The following TPTE variants were observed in gnomAD, a reference collection of about 807,000 sequenced individuals.
TPTE encodes putative tyrosine-protein phosphatase TPTE.
In TPTE, 59 loss-of-function variants were observed where a neutral mutation model predicts 84.1. The observed-to-expected ratio is 0.70, with a 90% CI of 0.57 to 0.87. TPTE has a LOEUF of 0.87. TPTE is among the 40% of genes least tolerant of loss of function. The pLI is 0.00. For synonymous variants in TPTE, 130 were observed against 223.5 expected, an observed-to-expected ratio of 0.58 and a Z score of 3.73; for missense variants, 382 against 659.6, an observed-to-expected ratio of 0.58 and a Z score of 4.61.
At chr21:10,547,160 G>T (rs866908721) in intron 7 of TPTE, among the ~76,000 whole-genome samples, 2,578 of 151,284 alleles carry the variant, frequency 0.017, no homozygotes, top group African/African-American at 0.061. Context: ...CCTGGGGCCC[G>T]TGCGAATTAT....
At chr21:10,564,404 T>C (rs1190573386) in intron 10 of TPTE, among the ~76,000 whole-genome samples, 12 of 151,844 alleles carry the variant, frequency 7.9e-5, no homozygotes, top group African/African-American at 2.9e-4. Context: ...CAGCTACTCA[T>C]GAGGCCGAGG....
At chr21:10,549,430 G>A (rs1186848106) in intron 7 of TPTE, among the ~76,000 whole-genome samples, 3 of 152,402 alleles carry the variant, frequency 2.0e-5, no homozygotes, top group South Asian at 4.1e-4. Context: ...TCAGTGAGAT[G>A]TAAGGTAATA....
At chr21:10,556,392 T>A (rs1600895610) in intron 8 of TPTE, among the ~76,000 whole-genome samples, 1 of 152,306 alleles carries the variant, frequency 6.6e-6, no homozygotes, top group African/African-American at 2.4e-5. Context: ...TTATGGCTGC[T>A]TAGTATTCCA....
intron 8 of TPTE, among the ~76,000 whole-genome samples, chr21:10,552,997 A>G (rs1163121946): frequency 6.6e-6 from 1 of 152,302 alleles, no homozygotes; most frequent in Non-Finnish European, 1.5e-5. Flanking sequence ...TTTTTAAAAA[A>G]ACAGGAATGC....
At chr21:10,535,645 A>G (rs1347772212) in intron 3 of TPTE, among the ~76,000 whole-genome samples, 1 of 152,308 alleles carries the variant, frequency 6.6e-6, no homozygotes, top group Non-Finnish European at 1.5e-5. Context: ...CTACTACTAG[A>G]GTGGGCCAAA....
intron 4 of TPTE, among the ~76,000 whole-genome samples, chr21:10,540,581 G>A (rs200291909): frequency 2.5e-3 from 388 of 152,214 alleles, no homozygotes; most frequent in East Asian, 0.014. Context: ...AAAGAACAGA[G>A]CTAATAACCC....
chr21:10,589,681 C>G (rs905763720), intron 17 of TPTE, among the ~76,000 whole-genome samples: 1 of 152,312 alleles, frequency 6.6e-6, no homozygotes, highest in Non-Finnish European at 1.5e-5. Flanking sequence ...GCATGGATGT[C>G]CAGTGGAAAG....
At chr21:10,581,944 A>G (rs2075278610) in intron 17 of TPTE, among the ~76,000 whole-genome samples, 1 of 152,308 alleles carries the variant, frequency 6.6e-6, no homozygotes, top group Admixed American at 6.5e-5. Flanking sequence ...TGTGTTGTCC[A>G]AACTGGTCTC....
intron 3 of TPTE, among the ~76,000 whole-genome samples, chr21:10,529,924 TAAA>T (rs1555885548): frequency 6.6e-6 from 1 of 152,106 alleles, no homozygotes; most frequent in Non-Finnish European, 1.5e-5. Flanking sequence ...ATTTTTTTTT[TAAA>T]AAAAGTAGTT....
intron 17 of TPTE, among the ~76,000 whole-genome samples, chr21:10,587,560 T>G (rs1239924188): frequency 6.6e-6 from 1 of 152,306 alleles, no homozygotes; most frequent in African/African-American, 2.4e-5. Flanking sequence ...CTTTTTTTTT[T>G]TTTTTTGAGA....
At chr21:10,523,907 C>T (rs1156924289) in intron 1 of TPTE, among the ~76,000 whole-genome samples, 1 of 152,306 alleles carries the variant, frequency 6.6e-6, no homozygotes, top group Non-Finnish European at 1.5e-5. Context: ...AGTTTACAGT[C>T]CCACCAACAG....
rs2074384223 is a variant in TPTE at position 10,542,367 on chromosome 21, C to A, written c.66-28C>A. On this transcript the variant is annotated intron_variant, in intron 5 of 23. Transcript: ENST00000618007. The stretch of plus-strand genomic sequence containing the variant: ...ATAAATTCAGAATTATGTCTCCTCT[C>A]TGACTGTTTTCTCTTATCATCCACT... The A allele has an allele frequency of 2.5e-6, 4 of 1,608,722 alleles. No homozygotes were observed. In the East Asian group the frequency reaches 8.9e-5, roughly 36 times the overall value.
At chr21:10,543,238 T>G (rs1239360736) in intron 6 of TPTE, 91 bp from the exon 7 acceptor site, 23 of 1,471,638 alleles carry the variant, frequency 1.6e-5, no homozygotes, top group Non-Finnish European at 2.0e-5. Flanking sequence ...TTCACCTTGT[T>G]AGCCAGGATG....
intron 13 of TPTE, among the ~76,000 whole-genome samples, chr21:10,569,978 G>C (rs2075009438): frequency 6.6e-6 from 1 of 152,308 alleles, no homozygotes; most frequent in Admixed American, 6.5e-5. Flanking sequence ...TGGATTTTCA[G>C]CTGACTCCAT....
Position 10,542,530 on chromosome 21 carries a change from C to CCCATCCATCCAT in TPTE, c.119+103_119+114dup, listed in dbSNP as rs3049906. On this transcript the variant is annotated intron_variant, in intron 6 of 23. Coordinates refer to ENST00000618007, the MANE Select transcript of TPTE (RefSeq NM_199261.4). ...CACACAGGCACATGAGCAAGTATAC[C>CCCATCCATCCAT]CCATCCATCCATCCATCCATCCATC... 2.4e-3 allele frequency: 3,139 copies of CCCATCCATCCAT among 1,317,004 alleles called. No homozygotes were observed. In the African/African-American group the frequency reaches 0.04, roughly 17 times the overall value. The allele number at this position is 1,317,004 out of a possible 1,614,324, so 81.6% of individuals were successfully genotyped here.
chr21:10,600,643 A>G (rs1250079110), intron 21 of TPTE, among the ~76,000 whole-genome samples: 1 of 152,428 alleles, frequency 6.6e-6, no homozygotes, highest in Non-Finnish European at 1.5e-5. Context: ...TTTATCATAC[A>G]GATTGAGTTA....
At chr21:10,550,372 A>AGAAACAC (rs1258806410) in intron 7 of TPTE, among the ~76,000 whole-genome samples, 2 of 152,304 alleles carry the variant, frequency 1.3e-5, no homozygotes, top group Non-Finnish European at 2.9e-5. Flanking sequence ...ATAGACTGAT[A>AGAAACAC]ATAAAGGGAT....
rs1377202179 is a variant in TPTE, at chr21:10,597,892, G to C, written c.1277-123G>C. 1.5e-4 allele frequency: 192 copies of C among 1,312,144 alleles called. No homozygotes were observed. In the East Asian group the frequency reaches 4.7e-3, roughly 32 times the overall value. 81.3% of individuals were successfully genotyped at this position (1,312,144 alleles called of 1,614,324 possible). A position where few individuals can be genotyped will look rare whatever the true frequency, so the allele number is the denominator to read the frequency against. The stretch of plus-strand genomic sequence containing the variant: ...AAAATCCATGCAAGACCAAATAAGT[G>C]ACTATTGATACATTGTTAGCTTGGA... On this transcript the variant is annotated intron_variant, in intron 20 of 23. Transcript: ENST00000618007.
At chr21:10,573,809 C>T (rs1296940904) in intron 14 of TPTE, among the ~76,000 whole-genome samples, 1 of 152,310 alleles carries the variant, frequency 6.6e-6, no homozygotes, top group Non-Finnish European at 1.5e-5. Flanking sequence ...CTCTCATTCT[C>T]CAGTAGGCTA....
Sources: allele counts gnomAD v4.1 joint callset (sites outside exome capture counted in the v4.1 genomes callset), GRCh38; gene constraint gnomAD v4.1.1; transcripts MANE v1.5; gene names NCBI Gene and HGNC (gene_info 2026-07-23, HGNC 2026-07-21).